The following MDGA2 variants were observed in gnomAD, a reference collection of about 807,000 sequenced individuals.
The protein encoded by MDGA2 is MAM domain containing glycosylphosphatidylinositol anchor 2.
A neutral mutation model predicts 117.8 loss-of-function variants in MDGA2; 40 were observed. The observed-to-expected ratio is 0.34, with a 90% CI of 0.26 to 0.44. The LOEUF (loss-of-function observed/expected upper bound fraction) is 0.44. Among genes scored for constraint, MDGA2 ranks in the 20% least tolerant of loss-of-function variants. The pLI is 1.00. For synonymous variants in MDGA2, 452 were observed against 439.0 expected, an observed-to-expected ratio of 1.03 and a Z score of -0.37; for missense variants, 1,123 against 1,250.6, an observed-to-expected ratio of 0.90 and a Z score of 1.54.
chr14:47,177,352 G>A (rs1361765822), intron 3 of MDGA2, among the ~76,000 whole-genome samples: 16 of 152,228 alleles, frequency 1.1e-4, no homozygotes, highest in Admixed American at 9.2e-4. Flanking sequence ...ACATGCACAC[G>A]TATGTTTACT....
chr14:47,643,293 A>T (rs1897464200), intron 1 of MDGA2, among the ~76,000 whole-genome samples: 1 of 152,088 alleles, frequency 6.6e-6, no homozygotes, highest in Non-Finnish European at 1.5e-5. Context: ...CAAAAGTTGA[A>T]AACATATTTA....
At chr14:47,207,728 T>G (rs1168137163) in intron 3 of MDGA2, among the ~76,000 whole-genome samples, 2 of 152,042 alleles carry the variant, frequency 1.3e-5, no homozygotes. Context: ...CATATCTGCC[T>G]CAGCATTACC....
At chr14:47,032,023 A>T (rs1477969294) in intron 8 of MDGA2, among the ~76,000 whole-genome samples, 1 of 152,210 alleles carries the variant, frequency 6.6e-6, no homozygotes, top group African/African-American at 2.4e-5. Context: ...CAAACCAGGC[A>T]TGCATTTTTT....
chr14:46,920,294 A>C, intron 9 of MDGA2, 134 bp from the exon 10 acceptor site: 1 of 825,028 alleles, frequency 1.2e-6, no homozygotes. Context: ...TTTTCTGGAT[A>C]TGTTTTGAGA....
chr14:47,244,021 A>G (rs529088742), intron 2 of MDGA2, among the ~76,000 whole-genome samples: 27 of 151,698 alleles, frequency 1.8e-4, no homozygotes, highest in African/African-American at 6.3e-4. Context: ...ACCCCTGATG[A>G]TTTTCCCTTT....
chr14:47,528,695 T>C (rs1895025356), intron 1 of MDGA2, among the ~76,000 whole-genome samples: 1 of 152,256 alleles, frequency 6.6e-6, no homozygotes, highest in Non-Finnish European at 1.5e-5. Flanking sequence ...ATTAGATTAA[T>C]ATTTATTTGC....
At chr14:47,246,841 G>A (rs938405779) in intron 2 of MDGA2, among the ~76,000 whole-genome samples, 5 of 48,094 alleles carry the variant, frequency 1.0e-4, no homozygotes, top group Admixed American at 2.6e-4. Flanking sequence ...ACACTCAGAC[G>A]TATCAACAAA....
In MDGA2 at chr14:46,845,718, A is replaced by T. The variant is rs745355263; in HGVS notation, c.2989+48T>A. ...TAAATTAAATGTTAATTTAATAGTA[A>T]TGTTACTTTAACGTTACAACAAACC... On this transcript the variant is annotated intron_variant, in intron 16 of 16. Coordinates refer to ENST00000399232, the MANE Select transcript of MDGA2 (RefSeq NM_001113498.3). 7.6e-5 allele frequency: 84 copies of T among 1,107,306 alleles called. 1 individual carries two copies. The Middle Eastern group carries it at 8.1e-4, about 11-fold the overall frequency. The allele number at this position is 1,107,306 out of a possible 1,614,324, so 68.6% of individuals were successfully genotyped here.
chr14:47,479,043 T>C (rs1476763021), intron 1 of MDGA2, among the ~76,000 whole-genome samples: 1 of 152,198 alleles, frequency 6.6e-6, no homozygotes, highest in Non-Finnish European at 1.5e-5. Context: ...GTAACAATCT[T>C]ATAAACATGT....
At chr14:47,051,775 A>AGC (rs1434043335) in intron 7 of MDGA2, among the ~76,000 whole-genome samples, 1 of 151,956 alleles carries the variant, frequency 6.6e-6, no homozygotes, top group Non-Finnish European at 1.5e-5. Flanking sequence ...TGAAACTGTT[A>AGC]GCCTGTGGAT....
chr14:47,605,210 C>G lies in MDGA2; in HGVS notation c.280+69307G>C, dbSNP rs142076184. On this transcript the variant is annotated intron_variant, in intron 1 of 16. Coordinates refer to ENST00000399232, the MANE Select transcript of MDGA2 (RefSeq NM_001113498.3). ...AATCATTTTTTTTCAATGAGTAACA[C>G]AGCACTTGACCAGGACCCCATGAAT... is the stretch of plus-strand genomic sequence containing the variant. 4.9e-3 allele frequency among the ~76,000 whole-genome samples: 743 copies of G among 152,124 alleles called. 7 individuals are homozygous for G. The highest frequency in any genetic ancestry group is 0.016 in the African/African-American group (677 of 41,502).
intron 3 of MDGA2, among the ~76,000 whole-genome samples, chr14:47,210,756 C>T (rs1010311892): frequency 3.3e-5 from 5 of 152,132 alleles, no homozygotes; most frequent in East Asian, 1.9e-4. Context: ...AAGTGGCTCA[C>T]GCCTGTAATC....
At chr14:47,072,177 A>G (rs1566607158) in intron 6 of MDGA2, among the ~76,000 whole-genome samples, 1 of 151,934 alleles carries the variant, frequency 6.6e-6, no homozygotes, top group East Asian at 1.9e-4. Flanking sequence ...ACTGATAAGA[A>G]ATAAGAGTCA....
intron 1 of MDGA2, among the ~76,000 whole-genome samples, chr14:47,558,723 T>A (rs957387248): frequency 6.6e-6 from 1 of 152,202 alleles, no homozygotes; most frequent in African/African-American, 2.4e-5. Flanking sequence ...TGCATATAAA[T>A]TTAACCCTTT....
At chr14:47,181,461 A>G (rs1884702739) in intron 3 of MDGA2, among the ~76,000 whole-genome samples, 1 of 150,128 alleles carries the variant, frequency 6.7e-6, no homozygotes, top group East Asian at 1.9e-4. Flanking sequence ...AACAAATGAG[A>G]TCATGTCCTT....
intron 8 of MDGA2, among the ~76,000 whole-genome samples, chr14:47,010,090 A>C (rs934139376): frequency 6.6e-6 from 1 of 152,076 alleles, no homozygotes; most frequent in African/African-American, 2.4e-5. Context: ...TGATCTTGTA[A>C]CATCAAGTCC....
At chr14:47,286,518 A>G (rs190071252) in intron 2 of MDGA2, among the ~76,000 whole-genome samples, 56 of 152,022 alleles carry the variant, frequency 3.7e-4, no homozygotes, top group African/African-American at 1.2e-3. Flanking sequence ...ACTTAGCATA[A>G]TGCCCTCCAG....
chr14:47,338,407 A>G (rs1890523366), intron 1 of MDGA2, among the ~76,000 whole-genome samples: 1 of 151,608 alleles, frequency 6.6e-6, no homozygotes, highest in Admixed American at 6.6e-5. Context: ...TGCTAGTATC[A>G]TGGGCTATAA....
At chr14:47,494,648 T>C (rs1228407726) in intron 1 of MDGA2, among the ~76,000 whole-genome samples, 1 of 152,084 alleles carries the variant, frequency 6.6e-6, no homozygotes, top group African/African-American at 2.4e-5. Context: ...AGAATTTTTA[T>C]AGTTTCAGGT....
Sources: allele counts gnomAD v4.1 joint callset (sites outside exome capture counted in the v4.1 genomes callset), GRCh38; gene constraint gnomAD v4.1.1; transcripts MANE v1.5; gene names NCBI Gene and HGNC (gene_info 2026-07-23, HGNC 2026-07-21).